The following NADSYN1 variants were observed in gnomAD, a reference collection of about 807,000 sequenced individuals.
NADSYN1 encodes the protein NAD synthetase 1.
A neutral mutation model predicts 99.3 loss-of-function variants in NADSYN1; 80 were observed. That is an observed-to-expected ratio of 0.81 (90% CI 0.67 to 0.97). NADSYN1 has a LOEUF of 0.97. NADSYN1 is among the 50% of genes least tolerant of loss of function. NADSYN1 has a pLI of 0.00. For missense variants in NADSYN1, 859 were observed against 948.5 expected (o/e 0.91, Z 1.24); for synonymous variants, 385 against 372.1 (o/e 1.03, Z -0.40).
chr11:71,481,259 C>G, intron 11 of NADSYN1, 97 bp from the exon 12 acceptor site: 1 of 1,267,012 alleles, frequency 7.9e-7, no homozygotes, highest in South Asian at 1.2e-5. Flanking sequence ...AGCGTTGACT[C>G]TGGCACTGCA....
chr11:71,483,049 G>GGT, intron 14 of NADSYN1, 32 bp downstream of exon 14: 1 of 1,610,258 alleles, frequency 6.2e-7, no homozygotes, highest in Non-Finnish European at 8.5e-7. Context: ...GGGCATGGCA[G>GGT]GTGGCTGACA....
At chr11:71,465,602 G>T (rs1435957772) in intron 5 of NADSYN1, among the ~76,000 whole-genome samples, 1 of 152,160 alleles carries the variant, frequency 6.6e-6, no homozygotes, top group Non-Finnish European at 1.5e-5. Flanking sequence ...GGCATAGCTG[G>T]TCTCCCCACA....
chr11:71,486,218 T>A (rs1949741890), intron 16 of NADSYN1, among the ~76,000 whole-genome samples: 1 of 152,226 alleles, frequency 6.6e-6, no homozygotes, highest in Non-Finnish European at 1.5e-5. Flanking sequence ...TGTTCTTAGT[T>A]GCTCCTTAGG....
chr11:71,501,590 C>T lies in NADSYN1; in HGVS notation c.*238C>T. The T allele has an allele frequency of 1.9e-6, 1 of 529,744 alleles. No homozygotes were observed. The highest frequency in any genetic ancestry group is 3.3e-6 in the Non-Finnish European group (1 of 300,216). 32.8% of individuals were successfully genotyped at this position (529,744 alleles called of 1,614,324 possible). A position where few individuals can be genotyped will look rare whatever the true frequency, so the allele number is the denominator to read the frequency against. Reference sequence around the variant, plus strand: ...TTGACCTCCCGCCAGCGTGCGCTTCCCCGCGAAGTCTGGCATTCTCCGAAG... The same window carrying T: ...TTGACCTCCCGCCAGCGTGCGCTTCTCCGCGAAGTCTGGCATTCTCCGAAG... On this transcript the variant is annotated 3_prime_UTR_variant, in exon 21 of 21. Transcript: ENST00000319023.
At chr11:71,497,287 G>C (rs1191151056) in intron 18 of NADSYN1, 196 bp from the exon 19 acceptor site, 5 of 619,438 alleles carry the variant, frequency 8.1e-6, no homozygotes, top group Non-Finnish European at 1.4e-5. Flanking sequence ...CCAAATGCCT[G>C]GTTCTTCGTT....
chr11:71,474,266 A>C (rs1591127606), intron 8 of NADSYN1, 129 bp from the exon 9 acceptor site: 1 of 1,224,974 alleles, frequency 8.2e-7, no homozygotes, highest in East Asian at 2.4e-5. Context: ...CATATGCGTT[A>C]TCTCTGCGGT....
intron 16 of NADSYN1, among the ~76,000 whole-genome samples, chr11:71,487,329 T>C (rs908598601): frequency 4.6e-5 from 7 of 152,038 alleles, no homozygotes. Flanking sequence ...TCTGGTGTAG[T>C]TGAGGAGATT....
At chr11:71,466,402 C>T (rs925052424) in intron 5 of NADSYN1, among the ~76,000 whole-genome samples, 7 of 152,182 alleles carry the variant, frequency 4.6e-5, no homozygotes, top group African/African-American at 1.4e-4. Context: ...CTGTCTGGTG[C>T]ACTCTGGTTC....
chr11:71,454,898 C>CGTGTATACAG (rs1555148180), intron 1 of NADSYN1, among the ~76,000 whole-genome samples: 1 of 151,824 alleles, frequency 6.6e-6, no homozygotes, highest in East Asian at 1.9e-4. Flanking sequence ...CAGGCGTACT[C>CGTGTATACAG]GTGTATACAG....
intron 14 of NADSYN1, 56 bp from the exon 15 acceptor site, chr11:71,484,256 A>G (rs1949727298): frequency 6.3e-7 from 1 of 1,588,428 alleles, no homozygotes; most frequent in South Asian, 1.1e-5. Flanking sequence ...GCTCATGCGC[A>G]CACACATGCA....
chr11:71,470,755 C>T (rs1312576289), intron 5 of NADSYN1, among the ~76,000 whole-genome samples: 1 of 152,164 alleles, frequency 6.6e-6, no homozygotes, highest in Non-Finnish European at 1.5e-5. Context: ...GGAAAGTTTA[C>T]CTATTTTCTG....
intron 5 of NADSYN1, among the ~76,000 whole-genome samples, chr11:71,465,465 T>C (rs2120419901): frequency 6.6e-6 from 1 of 152,336 alleles, no homozygotes; most frequent in Admixed American, 6.5e-5. Context: ...CAATCAGGGA[T>C]ATCAGTCATG....
chr11:71,455,914 CCTT>C (rs1289787856), intron 2 of NADSYN1, among the ~76,000 whole-genome samples: 2 of 152,310 alleles, frequency 1.3e-5, no homozygotes, highest in Non-Finnish European at 2.9e-5. Context: ...TGCTTATTTC[CCTT>C]CTTGTCCCTT....
rs756850612 is a variant in NADSYN1 at position 71,491,886 on chromosome 11, G to T, written c.1747G>T (p.Val583Leu). The change falls in exon 18 of 21, where the codon GTG becomes TTG. Residue 583 changes from valine to leucine, a missense_variant. Val to Leu is a conservative substitution (Grantham distance 32). Transcript: ENST00000319023. The stretch of plus-strand genomic sequence containing the variant: ...GCTGGAGCCCTTGGCTGATGGACAG[G>T]TGTCCCAGACCGACGAGGTAATGGC... ...AELEPLADGQ[V>L]SQTDEEDMGM... The T allele has an allele frequency of 1.2e-6, 2 of 1,614,080 alleles. No individual in the cohort carries two copies. Among genetic ancestry groups the T allele is most frequent in the Non-Finnish European group, 1.7e-6 (2 of 1,180,012 alleles).
At chr11:71,468,623 C>T (rs557498291) in intron 5 of NADSYN1, among the ~76,000 whole-genome samples, 4 of 152,260 alleles carry the variant, frequency 2.6e-5, no homozygotes, top group East Asian at 1.9e-4. Flanking sequence ...AAAAGTAGGA[C>T]TCAGAGATAG....
Position 71,481,868 on chromosome 11 carries a change from T to A in NADSYN1, c.1048-55T>A, listed in dbSNP as rs1239967050. 8.6e-6 allele frequency: 13 copies of A among 1,515,944 alleles called. 1 individual carries two copies. In the Middle Eastern group the frequency reaches 5.1e-4, roughly 60 times the overall value. The allele number at this position is 1,515,944 out of a possible 1,614,324, so 93.9% of individuals were successfully genotyped here. A position where few individuals can be genotyped will look rare whatever the true frequency, so the allele number is the denominator to read the frequency against. Reference sequence around the variant, plus strand: ...CTATGGGTGGAGCTTGGCTGATCCATGGGCATGCTGCTTCTCCGAGGCTCT... The same window carrying A: ...CTATGGGTGGAGCTTGGCTGATCCAAGGGCATGCTGCTTCTCCGAGGCTCT... On this transcript the variant is annotated intron_variant, in intron 12 of 20. Transcript: ENST00000319023.
chr11:71,499,557 C>T (rs534629068), intron 20 of NADSYN1: 1 of 152,308 alleles, frequency 6.6e-6, no homozygotes, highest in African/African-American at 2.4e-5. Flanking sequence ...TTCCAACCCA[C>T]CCTGCTTTCC....
intron 10 of NADSYN1, 144 bp from the exon 11 acceptor site, chr11:71,480,611 A>C: frequency 8.0e-7 from 1 of 1,243,580 alleles, no homozygotes; most frequent in Non-Finnish European, 1.1e-6. Flanking sequence ...GCTTCTCGCC[A>C]TCCTCGTGGG....
chr11:71,481,525 A>G, intron 12 of NADSYN1, 121 bp downstream of exon 12: 1 of 997,172 alleles, frequency 1.0e-6, no homozygotes, highest in Non-Finnish European at 1.5e-6. Context: ...AAAGCATTTC[A>G]TCACTCTGCC....
Sources: allele counts gnomAD v4.1 joint callset (sites outside exome capture counted in the v4.1 genomes callset), GRCh38; gene constraint gnomAD v4.1.1; transcripts MANE v1.5; gene names NCBI Gene and HGNC (gene_info 2026-07-23, HGNC 2026-07-21).